The following DLGAP5 variants were observed in gnomAD, a reference collection of about 807,000 sequenced individuals.
DLGAP5 encodes DLG associated protein 5, also known as disks large-associated protein 5.
Under a neutral mutation model 99.6 loss-of-function variants are expected in DLGAP5, and 90 were observed. The ratio of observed to expected loss-of-function variants is 0.90; its 90% CI spans 0.76 to 1.08. The LOEUF is 1.08. Ranked by LOEUF, DLGAP5 falls within the 50% of genes least tolerant of loss-of-function variation. The pLI, the probability that DLGAP5 is intolerant of heterozygous loss-of-function variation, is 0.00. For synonymous variants in DLGAP5, 311 were observed against 321.3 expected, an observed-to-expected ratio of 0.97 and a Z score of 0.34; for missense variants, 1,036 against 983.5, an observed-to-expected ratio of 1.05 and a Z score of -0.71.
In DLGAP5 at chr14:55,189,107, G is replaced by A. The variant is rs372477853; in HGVS notation, c.73C>T (p.His25Tyr). Residue 25 changes from histidine to tyrosine, a missense_variant, in exon 2 of 19, where the codon CAT becomes TAT. Transcript: ENST00000247191. ...STEMIRTKIA[H>Y]RKSLSQKENR... Reference sequence around the variant, plus strand: ...TCTTTCTGAGACAGTGATTTCCTATGAGCAATTTTAGTTCTAATCATTTCA... The same window carrying A: ...TCTTTCTGAGACAGTGATTTCCTATAAGCAATTTTAGTTCTAATCATTTCA... 4.6e-5 allele frequency: 74 copies of A among 1,613,766 alleles called. 1 individual carries two copies. The highest frequency in any genetic ancestry group is 5.8e-5 in the Non-Finnish European group (69 of 1,179,966).
In DLGAP5 at chr14:55,154,628, A is replaced by G; in HGVS notation, c.2052T>C (p.Ile684=). The part of the protein sequence containing the change: ...EHVKKTLFLS[I]PESRSSIEDA... ...TGTTAAAGAAATACCTGCTTTCAGG[A>G]ATACTCAAAAACAAAGTCTTCTTCA... Residue 684 remains isoleucine (I), a synonymous_variant, in exon 15 of 19, where the codon ATT becomes ATC. Coordinates refer to ENST00000247191, the MANE Select transcript of DLGAP5 (RefSeq NM_014750.5). 6.2e-7 allele frequency: 1 copy of G among 1,613,806 alleles called. No homozygotes were observed. Among genetic ancestry groups the G allele is most frequent in the African/African-American group, 1.3e-5 (1 of 75,042 alleles).
intron 10 of DLGAP5, among the ~76,000 whole-genome samples, chr14:55,172,607 G>A (rs900379513): frequency 1.3e-5 from 2 of 152,046 alleles, no homozygotes; most frequent in Admixed American, 6.6e-5. Context: ...CTGGGTGACA[G>A]AGTGAGACCC....
Position 55,158,966 on chromosome 14 carries a change from C to A in DLGAP5, c.1654-225G>T, listed in dbSNP as rs78699839. ...AGGAGTTTGCAGCTTAGTAGAAGAT[C>A]TGGGAAGAATAGTAAGAAGGATAAA... On this transcript the variant is annotated intron_variant, in intron 13 of 18. Transcript: ENST00000247191. 0.034 allele frequency among the ~76,000 whole-genome samples: 5,146 copies of A among 151,190 alleles called. 139 individuals are homozygous for A. The highest frequency in any genetic ancestry group is 0.051 in the Non-Finnish European group (3,444 of 67,910).
At position 55,185,519 on chromosome 14, in the gene DLGAP5, C is replaced by G. The variant is rs772586497; in HGVS notation, c.239-1766G>C. Among the ~76,000 whole-genome samples the G allele has an allele frequency of 4.6e-5, 7 of 151,498 alleles. 1 individual carries two copies. The highest frequency in any genetic ancestry group is 6.6e-5 in the Admixed American group (1 of 15,208). ...TGGCCTTTTTTGAGACAGAGTCTCACTCTGTCGCCCAGGTTGGAGTGCAGT... is the reference window on the plus strand; with the variant it reads ...TGGCCTTTTTTGAGACAGAGTCTCAGTCTGTCGCCCAGGTTGGAGTGCAGT... On this transcript the variant is annotated intron_variant, in intron 2 of 18. Transcript: ENST00000247191.
intron 13 of DLGAP5, 64 bp downstream of exon 13, chr14:55,162,907 G>A (rs1882498108): frequency 1.5e-6 from 1 of 649,694 alleles, no homozygotes; most frequent in Non-Finnish European, 2.5e-6. Flanking sequence ...TAGAAATTTG[G>A]ATGTATGTAT....
chr14:55,152,472 T>A (rs1216828317), intron 16 of DLGAP5, 118 bp downstream of exon 16: 2 of 702,372 alleles, frequency 2.8e-6, no homozygotes, highest in East Asian at 6.0e-5. Flanking sequence ...ACTACAATTC[T>A]ACATGACTGA....
intron 15 of DLGAP5, among the ~76,000 whole-genome samples, chr14:55,153,392 T>A (rs1318367349): frequency 6.6e-6 from 1 of 151,762 alleles, no homozygotes; most frequent in Non-Finnish European, 1.5e-5. Flanking sequence ...ATACAAAAAA[T>A]TAGCTGGGCG....
At chr14:55,167,253 CAAAA>C (rs59010875) in intron 12 of DLGAP5, among the ~76,000 whole-genome samples, 1 of 89,832 alleles carries the variant, frequency 1.1e-5, no homozygotes, top group Non-Finnish European at 2.6e-5. Context: ...GACTCCATCT[CAAAA>C]AAAAAAAAAA....
intron 7 of DLGAP5, 82 bp from the exon 8 acceptor site, chr14:55,177,418 T>C (rs1883112359): frequency 7.8e-7 from 1 of 1,278,298 alleles, no homozygotes; most frequent in African/African-American, 1.5e-5. Flanking sequence ...TCTGAAAATA[T>C]GACAACAGAA....
At chr14:55,180,525 T>C in intron 6 of DLGAP5, 131 bp downstream of exon 6, 1 of 1,283,304 alleles carries the variant, frequency 7.8e-7, no homozygotes, top group East Asian at 2.4e-5. Context: ...CAGAATCTAT[T>C]TTCAGGTATT....
In DLGAP5 at chr14:55,187,665, G is replaced by T. The variant is rs576266743; in HGVS notation, c.238+1277C>A. 8.6e-4 allele frequency among the ~76,000 whole-genome samples: 130 copies of T among 150,942 alleles called. 1 individual carries two copies. Among genetic ancestry groups the T allele is most frequent in the Middle Eastern group, 6.8e-3 (2 of 294 alleles). On this transcript the variant is annotated intron_variant, in intron 2 of 18. Coordinates refer to ENST00000247191, the MANE Select transcript of DLGAP5 (RefSeq NM_014750.5). Reference sequence around the variant, plus strand: ...TTAGGAGACAGGATCTCCATGTGTGGCCGAGGCCAGAGTGCAGTGACTTTT... The same window carrying T: ...TTAGGAGACAGGATCTCCATGTGTGTCCGAGGCCAGAGTGCAGTGACTTTT...
At chr14:55,165,621 C>A (rs960549462) in intron 12 of DLGAP5, among the ~76,000 whole-genome samples, 3 of 152,120 alleles carry the variant, frequency 2.0e-5, no homozygotes, top group African/African-American at 7.2e-5. Context: ...TTCAAAGAAT[C>A]TGTTCCAAGA....
chr14:55,183,327 C>A (rs1883332372), intron 3 of DLGAP5, among the ~76,000 whole-genome samples: 1 of 152,180 alleles, frequency 6.6e-6, no homozygotes, highest in Non-Finnish European at 1.5e-5. Flanking sequence ...AAATCCTTTG[C>A]ATAACATTGT....
At chr14:55,189,234 A>C (rs1883530774) in intron 1 of DLGAP5, 54 bp from the exon 2 acceptor site, 2 of 1,411,386 alleles carry the variant, frequency 1.4e-6, no homozygotes, top group South Asian at 2.4e-5. Flanking sequence ...TATTTAAAAA[A>C]TTAAGATTAC....
chr14:55,161,205 T>A (rs189585010), intron 13 of DLGAP5, among the ~76,000 whole-genome samples: 1 of 152,174 alleles, frequency 6.6e-6, no homozygotes, highest in East Asian at 1.9e-4. Context: ...CAGGCAGAAT[T>A]ACAAATCTCT....
At position 55,150,850 on chromosome 14, in the gene DLGAP5, TGAAAAACAACAAA is replaced by T. The variant is rs1881990169; in HGVS notation, c.2369-15_2369-3del. 6.4e-7 allele frequency: 1 copy of T among 1,563,554 alleles called. No homozygotes were observed. Reference sequence around the variant, plus strand: ...TGAGACTTTTATTATCAAATAGTTCTGAAAAACAACAAAAAAAAACTTTTTAAAGAATATTCTC... The same window carrying T: ...TGAGACTTTTATTATCAAATAGTTCTAAAAAACTTTTTAAAGAATATTCTC... On this transcript the variant is annotated splice_polypyrimidine_tract_variant and splice_region_variant and intron_variant, in intron 17 of 18. Transcript: ENST00000247191.
chr14:55,161,470 C>T (rs1327134330), intron 13 of DLGAP5, among the ~76,000 whole-genome samples: 6 of 141,576 alleles, frequency 4.2e-5, no homozygotes, highest in Non-Finnish European at 7.5e-5. Flanking sequence ...AATGCAATGG[C>T]GTGATCTCAG....
intron 4 of DLGAP5, 87 bp downstream of exon 4, chr14:55,182,283 G>A (rs1409072542): frequency 2.7e-6 from 3 of 1,127,372 alleles, no homozygotes; most frequent in African/African-American, 3.1e-5. Flanking sequence ...CATTATGTTT[G>A]AATCTGATAC....
At chr14:55,152,684 A>G (rs775728404) in intron 15 of DLGAP5, 37 bp from the exon 16 acceptor site, 1 of 1,516,150 alleles carries the variant, frequency 6.6e-7, no homozygotes, top group South Asian at 1.3e-5. Flanking sequence ...ACTCATAAAC[A>G]TATTGTTATT....
Sources: allele counts gnomAD v4.1 joint callset (sites outside exome capture counted in the v4.1 genomes callset), GRCh38; gene constraint gnomAD v4.1.1; transcripts MANE v1.5; gene names NCBI Gene and HGNC (gene_info 2026-07-23, HGNC 2026-07-21).